Variants in CSMD1 observed in about 807,000 individuals in gnomAD.
CSMD1 encodes CUB and sushi domain-containing protein 1.
A neutral mutation model predicts 417.5 loss-of-function variants in CSMD1; 213 were observed. That is an observed-to-expected ratio of 0.51 (90% CI 0.46 to 0.57). The LOEUF (loss-of-function observed/expected upper bound fraction) is 0.57. Among genes scored for constraint, CSMD1 ranks in the 20% least tolerant of loss-of-function variants. CSMD1 has a pLI of 0.00. For synonymous variants in CSMD1, 2,862 were observed against 1,736.8 expected (o/e 1.65, Z -16.11); for missense variants, 6,923 against 4,529.7 (o/e 1.53, Z -15.17).
rs552733854 is a variant in CSMD1 at position 3,334,387 on chromosome 8, C to T, written c.3631+8907G>A. On this transcript the variant is annotated intron_variant, in intron 23 of 69. Coordinates refer to ENST00000635120, the MANE Select transcript of CSMD1 (RefSeq NM_033225.6). ...ATGACAATGCTTAGTGCTTCTGTAT[C>T]GGTCCTGAGAGTGTATTCCTGTCCA... is the stretch of plus-strand genomic sequence containing the variant. 5.3e-5 allele frequency among the ~76,000 whole-genome samples: 8 copies of T among 152,240 alleles called. No homozygotes were observed. The South Asian group carries it at 8.3e-4, about 16-fold the overall frequency.
rs750813538 is a variant in CSMD1, at chr8:3,284,279, C to T, written c.4018G>A (p.Asp1340Asn). ...DILKVWDGPV[D>N]SDILLKEWSG... is the part of the protein sequence containing the mutation. ...CACTCCTTCAGCAGGATGTCACTGTCCACCGGCCCGTCCCAGACCTTGAGG... is the reference window on the plus strand; with the variant it reads ...CACTCCTTCAGCAGGATGTCACTGTTCACCGGCCCGTCCCAGACCTTGAGG... The change falls in exon 26 of 70, where the codon GAC (aspartate) becomes AAC (asparagine). Residue 1340 changes from aspartate to asparagine, a missense_variant. Physicochemically the swap from Asp to Asn is conservative, Grantham distance 23 (BLOSUM62 1). Coordinates refer to ENST00000635120, the MANE Select transcript of CSMD1 (RefSeq NM_033225.6). 6.2e-7 allele frequency: 1 copy of T among 1,613,932 alleles called. No homozygotes were observed.
Position 3,796,290 on chromosome 8 carries a change from ATATATCTATCATG to A in CSMD1, c.819-42261_819-42249del, listed in dbSNP as rs1358094407. ...ATAGATATATATCTATCATGTATAG[ATATATCTATCATG>A]TATAGATATAGATATCTATCATGTA... On this transcript the variant is annotated intron_variant, in intron 5 of 69. Transcript: ENST00000635120. 9.9e-5 allele frequency among the ~76,000 whole-genome samples: 6 copies of A among 60,782 alleles called. 1 individual carries two copies. The highest frequency in any genetic ancestry group is 1.6e-4 in the African/African-American group (3 of 19,284). 39.9% of individuals were successfully genotyped at this position (60,782 alleles called of 152,430 possible). A position where few individuals can be genotyped will look rare whatever the true frequency, so the allele number is the denominator to read the frequency against.
At chr8:3,553,135 A>G (rs1489050388) in intron 10 of CSMD1, among the ~76,000 whole-genome samples, 1 of 151,862 alleles carries the variant, frequency 6.6e-6, no homozygotes, top group African/African-American at 2.4e-5. Flanking sequence ...AAAAAAAAAA[A>G]GAAAGGAAAG....
intron 1 of CSMD1, among the ~76,000 whole-genome samples, chr8:4,819,318 A>T (rs906303472): frequency 1.3e-5 from 2 of 152,304 alleles, no homozygotes. Context: ...GTATTAGACA[A>T]CATAGCTCAT....
At chr8:3,533,755 A>C (rs1438358048) in intron 10 of CSMD1, among the ~76,000 whole-genome samples, 1 of 152,170 alleles carries the variant, frequency 6.6e-6, no homozygotes, top group African/African-American at 2.4e-5. Flanking sequence ...TGCTTGAGGC[A>C]TCTCTTTTAC....
chr8:3,495,996 T>A (rs1349730110), intron 10 of CSMD1, among the ~76,000 whole-genome samples: 1 of 152,148 alleles, frequency 6.6e-6, no homozygotes, highest in African/African-American at 2.4e-5. Context: ...GCTGCACCTG[T>A]CAACCCATCA....
chr8:4,213,181 G>A (rs941788558), intron 3 of CSMD1, among the ~76,000 whole-genome samples: 1 of 152,144 alleles, frequency 6.6e-6, no homozygotes, highest in Non-Finnish European at 1.5e-5. Flanking sequence ...GAGAGACATA[G>A]TTGAGAATGT....
At chr8:4,915,490 AT>A (rs1805994137) in intron 1 of CSMD1, among the ~76,000 whole-genome samples, 1 of 152,088 alleles carries the variant, frequency 6.6e-6, no homozygotes, top group African/African-American at 2.4e-5. Flanking sequence ...ACATATATTT[AT>A]TTTTCTTGGG....
At chr8:3,289,668 G>T (rs1803406616) in intron 25 of CSMD1, among the ~76,000 whole-genome samples, 1 of 140,024 alleles carries the variant, frequency 7.1e-6, no homozygotes, top group African/African-American at 3.2e-5. Context: ...CTTTTTGATG[G>T]GGTTGTTTGT....
chr8:3,136,945 T>TA, intron 41 of CSMD1, among the ~76,000 whole-genome samples: 2 of 151,990 alleles, frequency 1.3e-5, no homozygotes, highest in East Asian at 3.9e-4. Flanking sequence ...TAAAAACATA[T>TA]TTTTTTTAAA....
intron 2 of CSMD1, among the ~76,000 whole-genome samples, chr8:4,537,976 C>G (rs1172630557): frequency 1.3e-5 from 2 of 152,202 alleles, no homozygotes; most frequent in East Asian, 1.9e-4. Context: ...CAGCTGTACT[C>G]AAAACCAGAC....
At chr8:4,944,262 T>C (rs921160522) in intron 1 of CSMD1, among the ~76,000 whole-genome samples, 5 of 152,322 alleles carry the variant, frequency 3.3e-5, no homozygotes, top group Admixed American at 1.3e-4. Context: ...AACAGAGCTC[T>C]GAGGATTCTA....
intron 7 of CSMD1, among the ~76,000 whole-genome samples, chr8:3,631,343 G>A (rs1201999982): frequency 6.6e-6 from 1 of 152,214 alleles, no homozygotes; most frequent in Non-Finnish European, 1.5e-5. Context: ...AGTCTGCACA[G>A]AGACTGTCAC....
At chr8:3,013,849 A>G (rs1298050374) in intron 52 of CSMD1, among the ~76,000 whole-genome samples, 1 of 152,144 alleles carries the variant, frequency 6.6e-6, no homozygotes, top group Non-Finnish European at 1.5e-5. Context: ...TTAAACTATT[A>G]AAAAACTGAA....
At chr8:3,796,628 C>A (rs1800168073) in intron 5 of CSMD1, among the ~76,000 whole-genome samples, 1 of 147,408 alleles carries the variant, frequency 6.8e-6, no homozygotes, top group East Asian at 2.0e-4. Context: ...AGATATATAT[C>A]TTCTAATGTA....
chr8:3,664,685 A>T (rs566992196), intron 7 of CSMD1, among the ~76,000 whole-genome samples: 121 of 152,364 alleles, frequency 7.9e-4, no homozygotes, highest in African/African-American at 2.9e-3. Flanking sequence ...CAAGAAGCTG[A>T]AAAGAGCTGG....
At chr8:4,631,358 T>G (rs2130843188) in intron 2 of CSMD1, among the ~76,000 whole-genome samples, 1 of 150,832 alleles carries the variant, frequency 6.6e-6, no homozygotes, top group East Asian at 2.0e-4. Flanking sequence ...CAAGATTCAG[T>G]CTCAAGACAA....
At chr8:4,339,465 G>A (rs546606609) in intron 3 of CSMD1, among the ~76,000 whole-genome samples, 18 of 152,146 alleles carry the variant, frequency 1.2e-4, no homozygotes, top group African/African-American at 2.2e-4. Context: ...CAAAGCTACC[G>A]CGAAATGAGA....
At chr8:4,390,157 T>C (rs941018119) in intron 3 of CSMD1, among the ~76,000 whole-genome samples, 13 of 152,234 alleles carry the variant, frequency 8.5e-5, no homozygotes, top group Non-Finnish European at 1.6e-4. Context: ...TGTCATCCCA[T>C]TGTGTTTTAA....
Sources: gnomAD v4.1 joint callset for allele counts (sites outside exome capture counted in the v4.1 genomes callset) on GRCh38, gnomAD v4.1.1 for gene constraint, MANE v1.5 for transcripts, NCBI Gene and HGNC (gene_info 2026-07-23, HGNC 2026-07-21) for gene names.